Variants in KCNB2 observed in about 807,000 individuals in gnomAD.
KCNB2 encodes the protein delayed rectifier potassium channel protein.
Under a neutral mutation model 61.5 loss-of-function variants are expected in KCNB2, and 15 were observed. The ratio of observed to expected loss-of-function variants is 0.24; its 90% CI spans 0.16 to 0.38. The LOEUF (loss-of-function observed/expected upper bound fraction) is 0.38. Ranked by LOEUF, KCNB2 falls within the 10% of genes least tolerant of loss-of-function variation. The probability of loss-of-function intolerance (pLI) is 1.00; values close to 1 mark genes in which losing one functional copy is unlikely to be tolerated. For missense variants in KCNB2, 828 were observed against 1,125.2 expected (o/e 0.74, Z 3.78); for synonymous variants, 457 against 446.0 (o/e 1.02, Z -0.31).
intron 2 of KCNB2, among the ~76,000 whole-genome samples, chr8:72,573,566 C>G (rs1271952947): frequency 6.6e-6 from 1 of 150,714 alleles, no homozygotes; most frequent in Non-Finnish European, 1.5e-5. Flanking sequence ...ACATTGAGGC[C>G]CCTCTGTGTG....
intron 2 of KCNB2, among the ~76,000 whole-genome samples, chr8:72,871,258 A>G (rs1305166376): frequency 6.6e-6 from 1 of 152,230 alleles, no homozygotes; most frequent in Non-Finnish European, 1.5e-5. Context: ...AATTTTGTAG[A>G]GAAGGGAAGT....
chr8:72,610,571 C>CA (rs933406285), intron 2 of KCNB2, among the ~76,000 whole-genome samples: 8 of 151,736 alleles, frequency 5.3e-5, no homozygotes, highest in African/African-American at 1.7e-4. Flanking sequence ...TAATAGCAAC[C>CA]AAAAAAATAG....
intron 2 of KCNB2, among the ~76,000 whole-genome samples, chr8:72,759,665 G>A (rs1232891492): frequency 6.6e-6 from 1 of 152,160 alleles, no homozygotes; most frequent in African/African-American, 2.4e-5. Context: ...CCTGTACTTT[G>A]GAAGCAGTGA....
intron 2 of KCNB2, among the ~76,000 whole-genome samples, chr8:72,818,679 A>G (rs895071943): frequency 2.0e-5 from 3 of 152,182 alleles, no homozygotes; most frequent in Non-Finnish European, 4.4e-5. Context: ...TTCATCTGCT[A>G]ATTTTTAGGC....
At chr8:72,561,778 G>GGTGT (rs1563523646) in intron 1 of KCNB2, among the ~76,000 whole-genome samples, 1 of 34,338 alleles carries the variant, frequency 2.9e-5, no homozygotes, top group Admixed American at 3.8e-4. Context: ...TATATATATG[G>GGTGT]ATATATATAT....
chr8:72,633,465 G>T (rs1469560372), intron 2 of KCNB2, among the ~76,000 whole-genome samples: 1 of 152,172 alleles, frequency 6.6e-6, no homozygotes, highest in Admixed American at 6.5e-5. Flanking sequence ...CATTCGCCAT[G>T]TAACTTCACA....
intron 2 of KCNB2, among the ~76,000 whole-genome samples, chr8:72,594,005 T>C (rs1226305830): frequency 1.3e-5 from 2 of 152,146 alleles, no homozygotes; most frequent in Admixed American, 6.5e-5. Flanking sequence ...AACTCAACAG[T>C]AATTAATTGA....
intron 2 of KCNB2, among the ~76,000 whole-genome samples, chr8:72,848,436 T>G (rs1810037878): frequency 6.6e-6 from 1 of 151,886 alleles, no homozygotes; most frequent in African/African-American, 2.4e-5. Flanking sequence ...TTGTAAAGAA[T>G]AATAATAAAT....
At position 72,807,762 on chromosome 8, in the gene KCNB2, T is replaced by C. The variant is rs536568057; in HGVS notation, c.580-128173T>C. Among the ~76,000 whole-genome samples, 6 of 152,266 alleles carry C rather than the reference T, an allele frequency of 3.9e-5. No homozygotes were observed. The East Asian group carries it at 9.6e-4, about 24-fold the overall frequency. ...TGAAAAGCCAGAATAAGAGTCTCAT[T>C]TGGGTCACGCATTTCTTCAGGATAA... On this transcript the variant is annotated intron_variant, in intron 2 of 2. Transcript: ENST00000523207.
chr8:72,702,402 A>G (rs1297752923), intron 2 of KCNB2, among the ~76,000 whole-genome samples: 2 of 152,194 alleles, frequency 1.3e-5, no homozygotes, highest in Admixed American at 1.3e-4. Context: ...TGCCAGCAGT[A>G]TGGAGTCTGT....
At chr8:72,803,194 G>A (rs909290823) in intron 2 of KCNB2, among the ~76,000 whole-genome samples, 2 of 152,178 alleles carry the variant, frequency 1.3e-5, no homozygotes, top group Non-Finnish European at 2.9e-5. Flanking sequence ...GCATCAGGGA[G>A]TCAGAGCAGA....
chr8:72,654,587 A>G (rs1806261497), intron 2 of KCNB2, among the ~76,000 whole-genome samples: 1 of 152,192 alleles, frequency 6.6e-6, no homozygotes, highest in Non-Finnish European at 1.5e-5. Flanking sequence ...TCTAAACAAT[A>G]AAATGATAGG....
At chr8:72,608,081 C>G (rs1249878560) in intron 2 of KCNB2, among the ~76,000 whole-genome samples, 1 of 152,138 alleles carries the variant, frequency 6.6e-6, no homozygotes, top group Non-Finnish European at 1.5e-5. Context: ...GAAAATTTTT[C>G]AGATATTAAT....
intron 2 of KCNB2, among the ~76,000 whole-genome samples, chr8:72,845,697 C>T (rs985883167): frequency 6.6e-6 from 1 of 152,208 alleles, no homozygotes; most frequent in Non-Finnish European, 1.5e-5. Context: ...CTGCAGTGGG[C>T]TTCGCCCGGT....
intron 2 of KCNB2, among the ~76,000 whole-genome samples, chr8:72,638,559 G>T (rs988865656): frequency 7.9e-5 from 12 of 152,022 alleles, no homozygotes; most frequent in African/African-American, 2.9e-4. Flanking sequence ...TAGTTTTCTT[G>T]TATAAGACAA....
intron 2 of KCNB2, among the ~76,000 whole-genome samples, chr8:72,863,898 A>G (rs201008641): frequency 6.6e-6 from 1 of 152,116 alleles, no homozygotes; most frequent in Non-Finnish European, 1.5e-5. Context: ...CAGCTACTTG[A>G]GAGGCTGAGG....
At chr8:72,906,198 GC>G (rs1806173764) in intron 2 of KCNB2, among the ~76,000 whole-genome samples, 1 of 152,136 alleles carries the variant, frequency 6.6e-6, no homozygotes, top group Non-Finnish European at 1.5e-5. Flanking sequence ...TGAGACCCAG[GC>G]CTTGTGCCTT....
chr8:72,882,623 C>A (rs1000900189), intron 2 of KCNB2, among the ~76,000 whole-genome samples: 1 of 151,098 alleles, frequency 6.6e-6, no homozygotes, highest in African/African-American at 2.4e-5. Context: ...GAGACCCAGT[C>A]GGTCGTGGGA....
chr8:72,937,254 C>A lies in KCNB2; in HGVS notation c.1899C>A (p.Phe633Leu). Residue 633 changes from phenylalanine to leucine, a missense_variant, in exon 3 of 3, where the codon TTC becomes TTA. By Grantham distance (22) the Phe-to-Leu change is conservative. Coordinates refer to ENST00000523207, the MANE Select transcript of KCNB2 (RefSeq NM_004770.3). ...CCGCCTCTCACTTGCAGATGAAGTT[C>A]CCAACCGACCTCCCAGGGACAGAAG... The part of the protein sequence containing the change: ...PPSASHLQMK[F>L]PTDLPGTEEH... 1.2e-6 allele frequency: 2 copies of A among 1,614,018 alleles called. No homozygotes were observed. The highest frequency in any genetic ancestry group is 1.7e-6 in the Non-Finnish European group (2 of 1,180,006).
Sources: gnomAD v4.1 joint callset for allele counts (sites outside exome capture counted in the v4.1 genomes callset) on GRCh38, gnomAD v4.1.1 for gene constraint, MANE v1.5 for transcripts, NCBI Gene and HGNC (gene_info 2026-07-23, HGNC 2026-07-21) for gene names.